Variants in AK2 observed in about 807,000 individuals in gnomAD.
AK2 encodes the protein adenylate kinase 2.
A neutral mutation model predicts 24.6 loss-of-function variants in AK2; 15 were observed. That is an observed-to-expected ratio of 0.61 (90% CI 0.41 to 0.94). The LOEUF (loss-of-function observed/expected upper bound fraction) is 0.94, where lower values mean the gene tolerates loss of function less well. Ranked by LOEUF, AK2 falls within the 40% of genes least tolerant of loss-of-function variation. The pLI is 0.00. For missense variants in AK2, 257 were observed against 304.1 expected (o/e 0.85, Z 1.15); for synonymous variants, 102 against 114.0 (o/e 0.90, Z 0.67).
In AK2 at chr1:33,012,782, A is replaced by G. The variant is rs1157397569; in HGVS notation, c.*399T>C. 8 of 990,280 alleles carry G rather than the reference A, an allele frequency of 8.1e-6. No homozygotes were observed. Among genetic ancestry groups the G allele is most frequent in the Non-Finnish European group, 1.1e-5 (8 of 717,476 alleles). The allele number at this position is 990,280 out of a possible 1,614,324, so 61.3% of individuals were successfully genotyped here. On this transcript the variant is annotated 3_prime_UTR_variant, in exon 6 of 6. Transcript: ENST00000672715. ...TGTTGTGGCATGCACCTGTAGTCCC[A>G]GCTGCTCAGGAGGCTGAGGTGGGAT...
rs972358412 is a variant in AK2, at chr1:33,009,400, C to T, written c.*3781G>A. The T allele has an allele frequency of 1.3e-5, 6 of 453,970 alleles. No homozygotes were observed. Among genetic ancestry groups the T allele is most frequent in the African/African-American group, 1.0e-4 (5 of 49,996 alleles). 28.1% of individuals were successfully genotyped at this position (453,970 alleles called of 1,614,324 possible). A position where few individuals can be genotyped will look rare whatever the true frequency, so the allele number is the denominator to read the frequency against. On this transcript the variant is annotated 3_prime_UTR_variant, in exon 6 of 6. Transcript: ENST00000672715. ...ACTGAAAAGGTAGTCAAAGATCTGG[C>T]TTAAGGATTAGAAGCACTGGCTTTC...
chr1:33,021,772 C>A, intron 2 of AK2, 69 bp from the exon 3 acceptor site: 1 of 1,222,232 alleles, frequency 8.2e-7, no homozygotes, highest in Admixed American at 1.7e-5. Flanking sequence ...TAGCCCAACT[C>A]CACAGCCAAA....
intron 2 of AK2, chr1:33,024,073 A>C (rs914322065): frequency 4.6e-5 from 13 of 284,606 alleles, no homozygotes; most frequent in African/African-American, 2.5e-4. Flanking sequence ...CGGGAGGCTG[A>C]GGTACAAGAA....
intron 1 of AK2, among the ~76,000 whole-genome samples, chr1:33,030,560 C>T (rs1569725822): frequency 1.3e-5 from 2 of 152,100 alleles, no homozygotes; most frequent in East Asian, 3.9e-4. Flanking sequence ...TCTCCTAAAA[C>T]AAAAACACCT....
rs773336137 is a variant in AK2, at chr1:33,012,048, T to C, written c.*1133A>G. The C allele has an allele frequency of 6.5e-6, 10 of 1,535,354 alleles. No homozygotes were observed. The South Asian group carries it at 9.5e-5, about 15-fold the overall frequency. On this transcript the variant is annotated 3_prime_UTR_variant, in exon 6 of 6. Coordinates refer to ENST00000672715, the MANE Select transcript of AK2 (RefSeq NM_001625.4). ...TCACACTTGGAAACACAGGCAAACA[T>C]TAAAAATAAAAGCAAATAAACCTAC... is the stretch of plus-strand genomic sequence containing the variant.
At chr1:33,019,487 G>A (rs1169607410) in intron 4 of AK2, among the ~76,000 whole-genome samples, 1 of 152,096 alleles carries the variant, frequency 6.6e-6, no homozygotes, top group Non-Finnish European at 1.5e-5. Context: ...TGCCCAGTGG[G>A]GATACAAAGA....
At chr1:33,016,341 A>G (rs993818172) in intron 4 of AK2, among the ~76,000 whole-genome samples, 11 of 152,072 alleles carry the variant, frequency 7.2e-5, no homozygotes, top group Admixed American at 4.6e-4. Context: ...CCTCCCAAGT[A>G]GCTGGGACTA....
At chr1:33,029,747 T>A (rs2124372737) in intron 1 of AK2, among the ~76,000 whole-genome samples, 1 of 152,282 alleles carries the variant, frequency 6.6e-6, no homozygotes, top group East Asian at 1.9e-4. Context: ...CTGATCAGCA[T>A]AGCACACTAT....
At chr1:33,007,956 GAATA>G (rs1428403060), downstream of AK2, 3 of 451,352 alleles carry the variant, frequency 6.6e-6, no homozygotes, top group Non-Finnish European at 1.3e-5. Context: ...TTATCGAGGA[GAATA>G]AATGAGATAA....
chr1:33,008,462 G>A lies in AK2; in HGVS notation c.*4719C>T, dbSNP rs766392411. ...ACACATACCCTAGGCCCTCAGAGCC[G>A]GCAGTGACTTCTTCAAAATCAGTTC... On this transcript the variant is annotated 3_prime_UTR_variant, in exon 6 of 6. Transcript: ENST00000672715. 5.7e-5 allele frequency: 26 copies of A among 453,980 alleles called. No homozygotes were observed. The Middle Eastern group carries it at 2.7e-3, about 48-fold the overall frequency. 28.1% of individuals were successfully genotyped at this position (453,980 alleles called of 1,614,324 possible). A position where few individuals can be genotyped will look rare whatever the true frequency, so the allele number is the denominator to read the frequency against.
At chr1:33,015,558 G>C (rs956745848) in intron 4 of AK2, among the ~76,000 whole-genome samples, 1 of 152,208 alleles carries the variant, frequency 6.6e-6, no homozygotes, top group Non-Finnish European at 1.5e-5. Flanking sequence ...AGGTCTATTA[G>C]ACTAGAGCTC....
chr1:33,021,470 G>A lies in AK2; in HGVS notation c.331-9C>T. ...TCCATGAGGTCATCGAGCTGTAAAA[G>A]AATGTGTGGCCCACCTAAGCTACCA... On this transcript the variant is annotated splice_polypyrimidine_tract_variant and intron_variant, in intron 3 of 5. Transcript: ENST00000672715. 2 of 1,613,786 alleles carry A rather than the reference G, an allele frequency of 1.2e-6. No homozygotes were observed. The highest frequency in any genetic ancestry group is 2.2e-5 in the East Asian group (1 of 44,880).
In AK2 at chr1:33,012,343, TA is replaced by T; in HGVS notation, c.*837del. The T allele has an allele frequency of 1.3e-6, 2 of 1,529,596 alleles. No individual in the cohort carries two copies. The highest frequency in any genetic ancestry group is 1.7e-6 in the Non-Finnish European group (2 of 1,144,746). The allele number at this position is 1,529,596 out of a possible 1,614,324, so 94.8% of individuals were successfully genotyped here. On this transcript the variant is annotated 3_prime_UTR_variant, in exon 6 of 6. Transcript: ENST00000672715. ...AAGTAAGTGCCTTTTTCCTTCCACC[TA>T]GGGGGAAAAAATTAATGATCCCTGT...
rs71833811 is a variant in AK2 at position 33,034,449 on chromosome 1, TACACACACAC to T, written c.93+2277_93+2286del. Among the ~76,000 whole-genome samples, 1,390 of 141,972 alleles carry T rather than the reference TACACACACAC, an allele frequency of 9.8e-3. 21 individuals carry two copies. The highest frequency in any genetic ancestry group is 0.034 in the African/African-American group (1,296 of 38,276). 93.1% of individuals were successfully genotyped at this position (141,972 alleles called of 152,430 possible). Reference sequence around the variant, plus strand: ...TGTCATCTAGGTTGTGGGTGCTTGATACACACACACACACACACACACACACACACACACA... The same window carrying T: ...TGTCATCTAGGTTGTGGGTGCTTGATACACACACACACACACACACACACA... On this transcript the variant is annotated intron_variant, in intron 1 of 5. Coordinates refer to ENST00000672715, the MANE Select transcript of AK2 (RefSeq NM_001625.4).
chr1:33,011,863 T>G lies in AK2; in HGVS notation c.*1318A>C. 1 of 1,526,054 alleles carries G rather than the reference T, an allele frequency of 6.6e-7. No homozygotes were observed. Among genetic ancestry groups the G allele is most frequent in the Non-Finnish European group, 8.8e-7 (1 of 1,142,426 alleles). The allele number at this position is 1,526,054 out of a possible 1,614,324, so 94.5% of individuals were successfully genotyped here. On this transcript the variant is annotated 3_prime_UTR_variant, in exon 6 of 6. Transcript: ENST00000672715. ...CTTTTCTTGGGGAAGTCCATGGCTA[T>G]AGCCATCATAAAATTAGGGGTGAAG...
At position 33,009,128 on chromosome 1, in the gene AK2, A is replaced by G. The variant is rs1157876075; in HGVS notation, c.*4053T>C. The G allele has an allele frequency of 6.6e-6, 3 of 452,840 alleles. No individual in the cohort carries two copies. The highest frequency in any genetic ancestry group is 2.4e-5 in the Admixed American group (1 of 42,410). 28.1% of individuals were successfully genotyped at this position (452,840 alleles called of 1,614,324 possible). A position where few individuals can be genotyped will look rare whatever the true frequency, so the allele number is the denominator to read the frequency against. On this transcript the variant is annotated 3_prime_UTR_variant, in exon 6 of 6. Transcript: ENST00000672715. ...GGGCTGGTTCAGGGAACAGGATTTA[A>G]TATGTCAGTGAAGACCCTGCCTCTC...
In AK2 at chr1:33,011,697, G is replaced by T; in HGVS notation, c.*1484C>A. ...GCCGTTTTTGTGGTCCTTCATAGCAGTCTGTTACTTCATCTGTTTGCCACA... is the reference window on the plus strand; with the variant it reads ...GCCGTTTTTGTGGTCCTTCATAGCATTCTGTTACTTCATCTGTTTGCCACA... On this transcript the variant is annotated 3_prime_UTR_variant, in exon 6 of 6. Transcript: ENST00000672715. The T allele has an allele frequency of 1.5e-6, 2 of 1,316,978 alleles. No homozygotes were observed. The highest frequency in any genetic ancestry group is 9.9e-7 in the Non-Finnish European group (1 of 1,009,124). The allele number at this position is 1,316,978 out of a possible 1,614,324, so 81.6% of individuals were successfully genotyped here.
rs1478951330 is a variant in AK2, at chr1:33,012,563, C to T, written c.*618G>A. 2.3e-6 allele frequency: 3 copies of T among 1,303,588 alleles called. No homozygotes were observed. Among genetic ancestry groups the T allele is most frequent in the Non-Finnish European group, 3.0e-6 (3 of 1,000,218 alleles). 80.8% of individuals were successfully genotyped at this position (1,303,588 alleles called of 1,614,324 possible). A position where few individuals can be genotyped will look rare whatever the true frequency, so the allele number is the denominator to read the frequency against. On this transcript the variant is annotated 3_prime_UTR_variant, in exon 6 of 6. Coordinates refer to ENST00000672715, the MANE Select transcript of AK2 (RefSeq NM_001625.4). ...CCCTGGAAGATTACCTGGGTTAGTT[C>T]ATTTTGGTCAAAAAATAAAATCAAA...
At chr1:33,022,224 G>A (rs866503797) in intron 2 of AK2, among the ~76,000 whole-genome samples, 1 of 152,002 alleles carries the variant, frequency 6.6e-6, no homozygotes, top group African/African-American at 2.4e-5. Context: ...ACAGTAACGT[G>A]ACTGATGTGT....
Sources: gnomAD v4.1 joint callset for allele counts (sites outside exome capture counted in the v4.1 genomes callset) on GRCh38, gnomAD v4.1.1 for gene constraint, MANE v1.5 for transcripts, NCBI Gene and HGNC (gene_info 2026-07-23, HGNC 2026-07-21) for gene names.